PEX14: variants seen among roughly 807,000 people sequenced by gnomAD.
PEX14 encodes peroxisomal biogenesis factor 14.
A neutral mutation model predicts 49.5 loss-of-function variants in PEX14; 15 were observed. The observed-to-expected ratio is 0.30, with a 90% CI of 0.20 to 0.47. The LOEUF (loss-of-function observed/expected upper bound fraction) is 0.47. Among genes scored for constraint, PEX14 ranks in the 20% least tolerant of loss-of-function variants. The pLI is 1.00. For missense variants in PEX14, 398 were observed against 494.8 expected, an observed-to-expected ratio of 0.80 and a Z score of 1.86; for synonymous variants, 210 against 212.7, an observed-to-expected ratio of 0.99 and a Z score of 0.11.
chr1:10,490,633 G>A (rs990457784), intron 1 of PEX14, among the ~76,000 whole-genome samples: 4 of 151,804 alleles, frequency 2.6e-5, no homozygotes, highest in African/African-American at 4.8e-5. Flanking sequence ...TAAGGATCCT[G>A]GGCATGGATT....
intron 8 of PEX14, among the ~76,000 whole-genome samples, 188 bp downstream of exon 8, chr1:10,627,551 C>T (rs1239305430): frequency 1.3e-5 from 2 of 152,170 alleles, no homozygotes; most frequent in Non-Finnish European, 2.9e-5. Context: ...CCTCTCCACT[C>T]CAGAGGTGAC....
At chr1:10,625,866 A>G (rs1422776601) in intron 7 of PEX14, among the ~76,000 whole-genome samples, 5 of 152,212 alleles carry the variant, frequency 3.3e-5, no homozygotes, top group African/African-American at 1.2e-4. Flanking sequence ...GGCCCCTCAG[A>G]GTCCCTCGAG....
rs1020516563 is a variant in PEX14 at position 10,514,141 on chromosome 1, AAAT to A, written c.84+18824_84+18826del. The stretch of plus-strand genomic sequence containing the variant: ...ATAGAAAAAAAGGAAAAAATGTATA[AAAT>A]AATCTATGCCTCTGTGTGTGTGTGT... On this transcript the variant is annotated intron_variant, in intron 2 of 8. Coordinates refer to ENST00000356607, the MANE Select transcript of PEX14 (RefSeq NM_004565.3). The surrounding 1 kb of genome is among the most constrained non-coding windows in gnomAD (Gnocchi z 4.4). Among the ~76,000 whole-genome samples the A allele has an allele frequency of 2.0e-5, 3 of 148,398 alleles. No homozygotes were observed. Among genetic ancestry groups the A allele is most frequent in the East Asian group, 4.0e-4 (2 of 5,010 alleles).
intron 4 of PEX14, among the ~76,000 whole-genome samples, chr1:10,605,184 G>A (rs1282983765): frequency 6.6e-6 from 1 of 152,156 alleles, no homozygotes; most frequent in Non-Finnish European, 1.5e-5. Flanking sequence ...GATTAACAGG[G>A]GTGGAAATGT....
chr1:10,534,420 A>G (rs1168653320), intron 2 of PEX14, among the ~76,000 whole-genome samples: 1 of 151,710 alleles, frequency 6.6e-6, no homozygotes, highest in Non-Finnish European at 1.5e-5. Flanking sequence ...CTCCTTGTGT[A>G]CTGTTGCCTT....
intron 3 of PEX14, among the ~76,000 whole-genome samples, chr1:10,554,723 T>G (rs1639436352): frequency 6.6e-6 from 1 of 151,598 alleles, no homozygotes; most frequent in Non-Finnish European, 1.5e-5. Flanking sequence ...TTTTTTTCTT[T>G]TTTTTTTAAA....
At chr1:10,618,545 C>A in intron 5 of PEX14, 128 bp downstream of exon 5, 2 of 780,618 alleles carry the variant, frequency 2.6e-6, no homozygotes, top group Non-Finnish European at 4.4e-6. Context: ...CAGTGAGAGG[C>A]TGTGGTAGAG....
chr1:10,478,215 C>G (rs1034283372), intron 1 of PEX14, among the ~76,000 whole-genome samples: 3 of 152,058 alleles, frequency 2.0e-5, no homozygotes, highest in African/African-American at 4.8e-5. Flanking sequence ...TGTAAAAATG[C>G]CAGAACAGTG....
chr1:10,594,667 C>T (rs935587139), intron 3 of PEX14, among the ~76,000 whole-genome samples: 2 of 152,202 alleles, frequency 1.3e-5, no homozygotes, highest in Non-Finnish European at 2.9e-5. Context: ...CTGCACAGGG[C>T]CAAGCCCCGT....
At chr1:10,487,217 T>G (rs1430704956) in intron 1 of PEX14, among the ~76,000 whole-genome samples, 1 of 152,070 alleles carries the variant, frequency 6.6e-6, no homozygotes, top group Non-Finnish European at 1.5e-5. Flanking sequence ...GTTAAGGATT[T>G]TAACATTTAT....
In PEX14 at chr1:10,526,725, C is replaced by T. The variant is rs1638494778; in HGVS notation, c.85-9488C>T. ...CTGAAAATCCCAAATCCGAAATGCT[C>T]CAGTGAGCATTTCCTTTGTGCATGA... On this transcript the variant is annotated intron_variant, in intron 2 of 8. Coordinates refer to ENST00000356607, the MANE Select transcript of PEX14 (RefSeq NM_004565.3). 2.0e-5 allele frequency among the ~76,000 whole-genome samples: 3 copies of T among 152,018 alleles called. No homozygotes were observed. In the South Asian group the frequency reaches 6.2e-4, roughly 32 times the overall value.
At chr1:10,552,325 C>A (rs1639359724) in intron 3 of PEX14, among the ~76,000 whole-genome samples, 1 of 152,042 alleles carries the variant, frequency 6.6e-6, no homozygotes, top group Non-Finnish European at 1.5e-5. Flanking sequence ...GCCTGTAATC[C>A]CAGTTACTCA....
At chr1:10,580,291 C>A (rs1021045875) in intron 3 of PEX14, among the ~76,000 whole-genome samples, 1 of 152,140 alleles carries the variant, frequency 6.6e-6, no homozygotes, top group African/African-American at 2.4e-5. Context: ...GTGGCACCAT[C>A]TCAACTCACT....
At chr1:10,570,140 T>C (rs1639929054) in intron 3 of PEX14, among the ~76,000 whole-genome samples, 1 of 152,164 alleles carries the variant, frequency 6.6e-6, no homozygotes, top group Non-Finnish European at 1.5e-5. Context: ...CTAATAATTT[T>C]TTTTTCCAAT....
Position 10,499,782 on chromosome 1 carries a change from A to G in PEX14, c.84+4461A>G, listed in dbSNP as rs535695008. Among the ~76,000 whole-genome samples the G allele has an allele frequency of 7.2e-5, 11 of 152,130 alleles. No homozygotes were observed. In the East Asian group the frequency reaches 1.2e-3, roughly 16 times the overall value. ...ATTTTTTCTGTAACTGATGACAGCA[A>G]TTTCTACTTTATCACCTTTTTCTGG... On this transcript the variant is annotated intron_variant, in intron 2 of 8. Coordinates refer to ENST00000356607, the MANE Select transcript of PEX14 (RefSeq NM_004565.3).
chr1:10,595,925 T>C (rs1292382386), intron 3 of PEX14, among the ~76,000 whole-genome samples: 1 of 152,228 alleles, frequency 6.6e-6, no homozygotes, highest in African/African-American at 2.4e-5. Flanking sequence ...TCACTTACAA[T>C]TGGCAGTTTC....
intron 3 of PEX14, among the ~76,000 whole-genome samples, chr1:10,538,616 C>A (rs1035762312): frequency 1.3e-5 from 2 of 152,252 alleles, no homozygotes; most frequent in Non-Finnish European, 2.9e-5. Context: ...AGCCCCTTCG[C>A]AGATTTAAGC....
At chr1:10,527,211 C>CAA (rs35749900) in intron 2 of PEX14, among the ~76,000 whole-genome samples, 33,112 of 117,398 alleles carry the variant, frequency 0.28, 5,023 homozygotes, top group Admixed American at 0.35. Context: ...GACTCTGTCT[C>CAA]AAAAAAAAAA....
At chr1:10,591,585 A>G (rs1640668190) in intron 3 of PEX14, among the ~76,000 whole-genome samples, 1 of 151,728 alleles carries the variant, frequency 6.6e-6, no homozygotes, top group Non-Finnish European at 1.5e-5. Context: ...AGTCCTCTCT[A>G]TAACCAGTGT....
Sources: allele counts gnomAD v4.1 joint callset (sites outside exome capture counted in the v4.1 genomes callset), GRCh38; gene constraint gnomAD v4.1.1; non-coding constraint Gnocchi (gnomAD v3.1); transcripts MANE v1.5; gene names NCBI Gene and HGNC (gene_info 2026-07-23, HGNC 2026-07-21).